MAPT: variants seen among roughly 807,000 people sequenced by gnomAD.
MAPT encodes the protein microtubule associated protein tau, also known as microtubule-associated protein tau.
Under a neutral mutation model 67.9 loss-of-function variants are expected in MAPT, and 34 were observed. The ratio of observed to expected loss-of-function variants is 0.50; its 90% CI spans 0.38 to 0.67. The LOEUF (loss-of-function observed/expected upper bound fraction) is 0.67, where lower values mean the gene tolerates loss of function less well. Ranked by LOEUF, MAPT falls within the 30% of genes least tolerant of loss-of-function variation. The pLI, the probability that MAPT is intolerant of heterozygous loss-of-function variation, is 0.00. For missense variants in MAPT, 881 were observed against 1,115.2 expected, an observed-to-expected ratio of 0.79 and a Z score of 2.99; for synonymous variants, 456 against 464.5, an observed-to-expected ratio of 0.98 and a Z score of 0.23.
intron 1 of MAPT, among the ~76,000 whole-genome samples, chr17:45,938,810 ATT>A (rs368157488): frequency 1.2e-3 from 147 of 118,062 alleles, no homozygotes; most frequent in African/African-American, 4.1e-3. Flanking sequence ...TGCCCAGCTA[ATT>A]TTTTTTTTTT....
chr17:46,027,241 C>G lies in MAPT; in HGVS notation c.*3070C>G, dbSNP rs1156426504. ...TATACGGAAGGCTCTGGGATCTCCC[C>G]CTTGTGGGGCAGGCTCTTGGGGCCA... On this transcript the variant is annotated 3_prime_UTR_variant, in exon 13 of 13. Transcript: ENST00000262410. The G allele has an allele frequency of 6.8e-6, 1 of 146,318 alleles. No individual in the cohort carries two copies. Among genetic ancestry groups the G allele is most frequent in the East Asian group, 2.4e-4 (1 of 4,134 alleles). The allele number at this position is 146,318 out of a possible 1,614,324, so 9.1% of individuals were successfully genotyped here.
At position 46,022,552 on chromosome 17, in the gene MAPT, CTGTG is replaced by C. The variant is rs577069742; in HGVS notation, c.2287-1399_2287-1396del. Among the ~76,000 whole-genome samples, 308 of 152,210 alleles carry C rather than the reference CTGTG, an allele frequency of 2.0e-3. 2 individuals are homozygous for C. Among genetic ancestry groups the C allele is most frequent in the South Asian group, 7.7e-3 (37 of 4,822 alleles). The stretch of plus-strand genomic sequence containing the variant: ...ACTCCTAAAATTATATGGAAAATGG[CTGTG>C]TGTGAGTGTGGATGGACATGTGCAC... On this transcript the variant is annotated intron_variant, in intron 12 of 12. Coordinates refer to ENST00000262410, the MANE Select transcript of MAPT (RefSeq NM_001377265.1).
At chr17:45,951,259 G>A (rs1359973883) in intron 1 of MAPT, among the ~76,000 whole-genome samples, 1 of 152,228 alleles carries the variant, frequency 6.6e-6, no homozygotes, top group Admixed American at 6.5e-5. Flanking sequence ...GGTTTGGTGA[G>A]AATGTTTTGG....
chr17:45,948,756 A>G (rs908843979), intron 1 of MAPT, among the ~76,000 whole-genome samples: 1 of 152,210 alleles, frequency 6.6e-6, no homozygotes. Flanking sequence ...TAAATGAGGT[A>G]ATAACTGGAA....
At chr17:45,986,115 G>A (rs561995154) in intron 5 of MAPT, among the ~76,000 whole-genome samples, 2 of 152,350 alleles carry the variant, frequency 1.3e-5, no homozygotes, top group South Asian at 4.1e-4. Flanking sequence ...GAAGGCTGAT[G>A]TTGTCTGTGG....
intron 7 of MAPT, among the ~76,000 whole-genome samples, chr17:45,990,727 C>T (rs1209994024): frequency 6.6e-6 from 1 of 152,228 alleles, no homozygotes; most frequent in Admixed American, 6.5e-5. Context: ...CATAGCAACA[C>T]TGCCCCGTGA....
At position 45,995,424 on chromosome 17, in the gene MAPT, C is replaced by T. The variant is rs2074391355; in HGVS notation, c.1733-975C>T. Among the ~76,000 whole-genome samples, 2 of 152,210 alleles carry T rather than the reference C, an allele frequency of 1.3e-5. No individual in the cohort carries two copies. Reference sequence around the variant, plus strand: ...CGAGAAATTTGCATTTTGCAACTCCCACTTTCCTCCTTGAAAGCTCCGGAG... The same window carrying T: ...CGAGAAATTTGCATTTTGCAACTCCTACTTTCCTCCTTGAAAGCTCCGGAG... On this transcript the variant is annotated intron_variant, in intron 8 of 12. Transcript: ENST00000262410. This position sits in a 1 kb window ranked among gnomAD's most constrained non-coding sequence, Gnocchi z 4.3.
At chr17:45,932,008 G>A (rs535359183) in intron 1 of MAPT, 2 of 152,128 alleles carry the variant, frequency 1.3e-5, no homozygotes, top group Admixed American at 1.3e-4. Context: ...CTTGAACCCT[G>A]GGGGACAGAG....
Position 45,960,783 on chromosome 17 carries a change from G to A in MAPT, c.-17-1538G>A, listed in dbSNP as rs375886829. Among the ~76,000 whole-genome samples the A allele has an allele frequency of 2.0e-4, 29 of 146,914 alleles. No individual in the cohort carries two copies. In the East Asian group the frequency reaches 3.0e-3, roughly 15 times the overall value. On this transcript the variant is annotated intron_variant, in intron 1 of 12. Transcript: ENST00000262410. ...GCCTGGGCAACATAGTGAGACCCCC[G>A]TCCCCACTCCCCCAAAGAAAACCCA...
rs539800451 is a variant in MAPT at position 45,963,961 on chromosome 17, C to T, written c.133+1491C>T. ...GGGGGTAGGTGAAGGAAGACATGGG[C>T]GTATTGGGGGAGCAGGGGCTGCTCA... On this transcript the variant is annotated intron_variant, in intron 2 of 12. Coordinates refer to ENST00000262410, the MANE Select transcript of MAPT (RefSeq NM_001377265.1). Among the ~76,000 whole-genome samples, 5 of 152,104 alleles carry T rather than the reference C, an allele frequency of 3.3e-5. No individual in the cohort carries two copies. In the East Asian group the frequency reaches 7.8e-4, roughly 24 times the overall value.
Position 45,937,640 on chromosome 17 carries a change from G to GA in MAPT, c.-17-24669dup, listed in dbSNP as rs372335391. ...GGAGAGAGAGAGAAAGAAAAGAAAA[G>GA]AAAAAAAAAAAAGAAGGGAAGGGAA... is the stretch of plus-strand genomic sequence containing the variant. On this transcript the variant is annotated intron_variant, in intron 1 of 12. Transcript: ENST00000262410. 4.8e-3 allele frequency among the ~76,000 whole-genome samples: 653 copies of GA among 134,888 alleles called. 4 individuals are homozygous for GA. The highest frequency in any genetic ancestry group is 0.014 in the African/African-American group (525 of 36,784). 88.5% of individuals were successfully genotyped at this position (134,888 alleles called of 152,430 possible). A position where few individuals can be genotyped will look rare whatever the true frequency, so the allele number is the denominator to read the frequency against.
At chr17:45,956,841 G>T (rs2069784687) in intron 1 of MAPT, among the ~76,000 whole-genome samples, 2 of 150,700 alleles carry the variant, frequency 1.3e-5, no homozygotes, top group Non-Finnish European at 3.0e-5. Context: ...GTGAGAACAT[G>T]CTGTGTTTGG....
intron 1 of MAPT, among the ~76,000 whole-genome samples, chr17:45,920,119 C>T (rs960932601): frequency 6.6e-6 from 1 of 152,240 alleles, no homozygotes; most frequent in Non-Finnish European, 1.5e-5. Flanking sequence ...TTCCTGGGCT[C>T]TGTCCACAGG....
At chr17:45,978,297 A>C in intron 3 of MAPT, 78 bp from the exon 4 acceptor site, 1 of 1,133,562 alleles carries the variant, frequency 8.8e-7, no homozygotes, top group Non-Finnish European at 1.3e-6. Flanking sequence ...AAATGCCCGA[A>C]GGTACAGAGA....
chr17:45,926,728 T>G (rs571697940), intron 1 of MAPT, among the ~76,000 whole-genome samples: 4 of 152,142 alleles, frequency 2.6e-5, no homozygotes, highest in Non-Finnish European at 5.9e-5. Context: ...ATGGACTTTT[T>G]CTTTGGAGAC....
chr17:45,961,206 T>C (rs1466094343), intron 1 of MAPT, among the ~76,000 whole-genome samples: 2 of 152,144 alleles, frequency 1.3e-5, no homozygotes, highest in Non-Finnish European at 2.9e-5. Context: ...AAGTTATGAA[T>C]TATTTTTAAA....
At chr17:46,015,317 G>A (rs2076099634) in intron 11 of MAPT, among the ~76,000 whole-genome samples, 1 of 151,646 alleles carries the variant, frequency 6.6e-6, no homozygotes, top group Non-Finnish European at 1.5e-5. Context: ...CCGAGATCTT[G>A]CCACTGCACT....
chr17:45,917,767 C>T (rs1252317242), intron 1 of MAPT, among the ~76,000 whole-genome samples: 2 of 147,748 alleles, frequency 1.4e-5, no homozygotes, highest in Non-Finnish European at 1.5e-5. Flanking sequence ...AGGATTCCAG[C>T]GTCTTTTTTT....
Position 45,956,548 on chromosome 17 carries a change from TTATATATATATATATA to T in MAPT, c.-17-5735_-17-5720del, listed in dbSNP as rs57223421. On this transcript the variant is annotated intron_variant, in intron 1 of 12. Transcript: ENST00000262410. ...TCATCTGGAACTCTAGCAGGTTCTT[TTATATATATATATATA>T]TATATATATATATATATATATATAT... Among the ~76,000 whole-genome samples, 130 of 95,250 alleles carry T rather than the reference TTATATATATATATATA, an allele frequency of 1.4e-3. 2 individuals are homozygous for T. Among genetic ancestry groups the T allele is most frequent in the African/African-American group, 5.0e-3 (126 of 25,418 alleles). The allele number at this position is 95,250 out of a possible 152,430, so 62.5% of individuals were successfully genotyped here. A position where few individuals can be genotyped will look rare whatever the true frequency, so the allele number is the denominator to read the frequency against.
Sources: gnomAD v4.1 joint callset for allele counts (sites outside exome capture counted in the v4.1 genomes callset) on GRCh38, gnomAD v4.1.1 for gene constraint, Gnocchi (gnomAD v3.1) non-coding constraint, MANE v1.5 for transcripts, NCBI Gene and HGNC (gene_info 2026-07-23, HGNC 2026-07-21) for gene names.